The following VPS33A variants were observed in gnomAD, a reference collection of about 807,000 sequenced individuals.
VPS33A encodes vacuolar protein sorting-associated protein 33A.
VPS33A carries 32 observed loss-of-function variants against 71.8 expected under a neutral mutation model. The ratio of observed to expected loss-of-function variants is 0.45; its 90% CI spans 0.34 to 0.60. VPS33A has a LOEUF of 0.60. Ranked by LOEUF, VPS33A falls within the 20% of genes least tolerant of loss-of-function variation. The pLI is 0.02. For synonymous variants in VPS33A, 311 were observed against 292.7 expected (o/e 1.06, Z -0.64); for missense variants, 625 against 748.5 (o/e 0.84, Z 1.92).
intron 1 of VPS33A, among the ~76,000 whole-genome samples, chr12:122,266,020 G>A (rs1009077272): frequency 1.3e-5 from 2 of 152,364 alleles, no homozygotes; most frequent in African/African-American, 4.8e-5. Flanking sequence ...GCAGGCAGCG[G>A]AGGAAACACC....
chr12:122,245,477 CTT>C (rs903906847), intron 6 of VPS33A, among the ~76,000 whole-genome samples: 3 of 147,970 alleles, frequency 2.0e-5, no homozygotes, highest in African/African-American at 5.0e-5. Flanking sequence ...GAGTTTCACT[CTT>C]GTCACCCAGG....
intron 7 of VPS33A, among the ~76,000 whole-genome samples, chr12:122,242,753 C>T (rs1419440998): frequency 1.3e-5 from 2 of 152,038 alleles, no homozygotes; most frequent in African/African-American, 4.8e-5. Flanking sequence ...AGGGTTTCAC[C>T]ATATTGGTCA....
intron 7 of VPS33A, among the ~76,000 whole-genome samples, chr12:122,242,812 C>T (rs554485074): frequency 2.0e-4 from 30 of 152,268 alleles, no homozygotes; most frequent in African/African-American, 6.0e-4. Context: ...CCTTGGCCTC[C>T]CAAAGTGTTA....
At chr12:122,245,945 A>G (rs1954770671) in intron 6 of VPS33A, among the ~76,000 whole-genome samples, 7 of 152,198 alleles carry the variant, frequency 4.6e-5, no homozygotes, top group Admixed American at 4.6e-4. Flanking sequence ...ATCTAGAATA[A>G]GCTTCCAAAT....
At chr12:122,238,770 T>TATACATACACACAC in intron 9 of VPS33A, 46 bp from the exon 10 acceptor site, 6 of 871,992 alleles carry the variant, frequency 6.9e-6, no homozygotes, top group Middle Eastern at 2.3e-4. Context: ...TACATATACA[T>TATACATACACACAC]ACACACACAC....
intron 12 of VPS33A, 99 bp downstream of exon 12, chr12:122,232,701 G>T (rs1954578992): frequency 1.7e-5 from 25 of 1,440,102 alleles, no homozygotes; most frequent in Middle Eastern, 2.0e-4. Context: ...ATTTAATTCT[G>T]ACTCCTAAGT....
chr12:122,261,374 G>A lies in VPS33A; in HGVS notation c.370C>T (p.Arg124Trp). ...VPRRSLLCEQ[R>W]LKDLGVLGSF... The stretch of plus-strand genomic sequence containing the variant: ...CCCAAGACACCCAGATCCTTCAACC[G>A]CTGTTCGCACAACAGGCTACGGCGT... Residue 124 changes from arginine (R) to tryptophan (W), a missense_variant, in exon 4 of 13, where the codon CGG becomes TGG. By Grantham distance (101) the Arg-to-Trp change is moderately radical. Coordinates refer to ENST00000267199, the MANE Select transcript of VPS33A (RefSeq NM_022916.6). 11 of 1,613,714 alleles carry A rather than the reference G, an allele frequency of 6.8e-6. No homozygotes were observed. Among genetic ancestry groups the A allele is most frequent in the Non-Finnish European group, 9.3e-6 (11 of 1,179,860 alleles).
chr12:122,239,747 CTCAAAAAAAA>C (rs1954686350), intron 9 of VPS33A, 121 bp downstream of exon 9: 2 of 324,184 alleles, frequency 6.2e-6, no homozygotes, highest in Non-Finnish European at 4.9e-6. Context: ...GAGACTCCGT[CTCAAAAAAAA>C]AAAAAAAAAA....
chr12:122,258,873 C>A (rs1747918640), intron 4 of VPS33A, among the ~76,000 whole-genome samples: 1 of 150,478 alleles, frequency 6.6e-6, no homozygotes. Context: ...CCCATCTACT[C>A]AGGAAGCTGA....
chr12:122,236,003 A>C, intron 10 of VPS33A, 80 bp from the exon 11 acceptor site: 2 of 1,530,154 alleles, frequency 1.3e-6, no homozygotes, highest in East Asian at 2.3e-5. Context: ...ACTTCCAACA[A>C]ATCAATTTGG....
intron 6 of VPS33A, 52 bp downstream of exon 6, chr12:122,249,819 A>AGGAT (rs1440263810): frequency 2.6e-6 from 4 of 1,513,938 alleles, no homozygotes; most frequent in Non-Finnish European, 3.6e-6. Flanking sequence ...GCCTCCACAA[A>AGGAT]GGATATTCTT....
chr12:122,248,613 G>A (rs73421737), intron 6 of VPS33A: 3,882 of 152,178 alleles, frequency 0.026, 122 homozygotes, highest in African/African-American at 0.066. Context: ...TGTACCAGCC[G>A]TTTTTCTAAA....
intron 1 of VPS33A, chr12:122,265,636 C>T: frequency 2.5e-6 from 1 of 404,458 alleles, no homozygotes; most frequent in African/African-American, 2.0e-5. Context: ...CCCACTTTAC[C>T]TCTTGGGGTT....
intron 10 of VPS33A, among the ~76,000 whole-genome samples, chr12:122,237,319 C>G (rs1954641572): frequency 6.6e-6 from 1 of 152,140 alleles, no homozygotes; most frequent in African/African-American, 2.4e-5. Flanking sequence ...ACTCAAATTG[C>G]CTGGTTTACC....
chr12:122,255,639 A>C (rs908920975), intron 4 of VPS33A, among the ~76,000 whole-genome samples: 2 of 129,708 alleles, frequency 1.5e-5, no homozygotes, highest in Non-Finnish European at 3.1e-5. Context: ...TGGGAGGCGG[A>C]GGTTGCAGTG....
intron 7 of VPS33A, 107 bp downstream of exon 7, chr12:122,244,462 T>C (rs1954751650): frequency 5.1e-6 from 5 of 986,990 alleles, no homozygotes; most frequent in Admixed American, 2.6e-5. Flanking sequence ...AAAGTTGCAT[T>C]GAAGCCTGGT....
chr12:122,251,804 T>C (rs1051168109), intron 4 of VPS33A, among the ~76,000 whole-genome samples: 1 of 151,310 alleles, frequency 6.6e-6, no homozygotes, highest in African/African-American at 2.4e-5. Context: ...GGGATAGCAT[T>C]AGGAGATATA....
chr12:122,232,923 T>C lies in VPS33A; in HGVS notation c.1486A>G (p.Ser496Gly). 6.2e-7 allele frequency: 1 copy of C among 1,614,030 alleles called. No individual in the cohort carries two copies. The highest frequency in any genetic ancestry group is 8.5e-7 in the Non-Finnish European group (1 of 1,180,014). ...GAAAGCAGCTGGGCCAGCCGCACAC[T>C]GAGCGGGGCATACCCACTGTACACA... ...SYVYSGYAPL[S>G]VRLAQLLSRP... The change falls in exon 12 of 13, where the codon AGT becomes GGT. Residue 496 changes from serine (S) to glycine (G), a missense_variant. By Grantham distance (56) the Ser-to-Gly change is moderately conservative (BLOSUM62 0). Coordinates refer to ENST00000267199, the MANE Select transcript of VPS33A (RefSeq NM_022916.6).
intron 9 of VPS33A, among the ~76,000 whole-genome samples, chr12:122,239,092 TGTCTGGACAC>T (rs1440424846): frequency 1.3e-5 from 2 of 152,148 alleles, no homozygotes; most frequent in East Asian, 3.8e-4. Context: ...TCCATATGCC[TGTCTGGACAC>T]GTCTGTCTCT....
Sources: allele counts gnomAD v4.1 joint callset (sites outside exome capture counted in the v4.1 genomes callset), GRCh38; gene constraint gnomAD v4.1.1; transcripts MANE v1.5; gene names NCBI Gene and HGNC (gene_info 2026-07-23, HGNC 2026-07-21).